Variants in COL11A2 observed in about 807,000 individuals in gnomAD.
COL11A2 encodes collagen alpha-2(XI) chain.
Under a neutral mutation model 273.4 loss-of-function variants are expected in COL11A2, and 116 were observed. That is an observed-to-expected ratio of 0.42 (90% confidence interval 0.36 to 0.49). COL11A2 has a LOEUF of 0.49. Ranked by LOEUF, COL11A2 falls within the 20% of genes least tolerant of loss-of-function variation. The pLI is 0.00. For synonymous variants in COL11A2, 782 were observed against 864.2 expected (o/e 0.90, Z 1.67); for missense variants, 1,866 against 2,309.0 (o/e 0.81, Z 3.93).
At chr6:33,181,258 C>G (rs1417147468) in intron 8 of COL11A2, 88 bp from the exon 9 acceptor site, 1 of 1,371,128 alleles carries the variant, frequency 7.3e-7, no homozygotes, top group Admixed American at 1.7e-5. Context: ...AACCTTGATT[C>G]TTAGATCCTC....
chr6:33,172,781 TGG>T lies in COL11A2; in HGVS notation c.2791-146_2791-145del, dbSNP rs1770298645. On this transcript the variant is annotated intron_variant, in intron 38 of 65. Transcript: ENST00000341947. ...CTCCTGGGAAATTCCCCGGCATTCCTGGGCCACTGCTGGGTTTTCTCCTGCCC... is the reference window on the plus strand; with the variant it reads ...CTCCTGGGAAATTCCCCGGCATTCCTGCCACTGCTGGGTTTTCTCCTGCCC... 7 of 821,742 alleles carry T rather than the reference TGG, an allele frequency of 8.5e-6. No homozygotes were observed. The South Asian group carries it at 8.8e-5, about 10-fold the overall frequency. The allele number at this position is 821,742 out of a possible 1,614,324, so 50.9% of individuals were successfully genotyped here. A position where few individuals can be genotyped will look rare whatever the true frequency, so the allele number is the denominator to read the frequency against.
Position 33,164,394 on chromosome 6 carries a change from T to G in COL11A2, c.4943A>C (p.His1648Pro). 1 of 1,608,600 alleles carries G rather than the reference T, an allele frequency of 6.2e-7. No individual in the cohort carries two copies. The highest frequency in any genetic ancestry group is 2.2e-5 in the East Asian group (1 of 44,756). Residue 1648 changes from histidine (H) to proline (P), a missense_variant, in exon 65 of 66, where the codon CAC (histidine) becomes CCC (proline). By Grantham distance (77) the His-to-Pro change is moderately conservative (BLOSUM62 -2). Transcript: ENST00000341947. The surrounding 1 kb of genome is among the most constrained non-coding windows in gnomAD (Gnocchi z 4.7). ...TFLRLLSVSAHQDVSYPCSGA... is the reference protein window; with the variant it reads ...TFLRLLSVSAPQDVSYPCSGA... ...AGAGCAGGGGTAGGAGACGTCCTGG[T>G]GGGCTGAGACGCTGAGCAGCCGCAG...
chr6:33,175,586 G>A lies in COL11A2; in HGVS notation c.2364C>T (p.Leu788=), dbSNP rs1348847925. 1.9e-6 allele frequency: 3 copies of A among 1,612,724 alleles called. No individual in the cohort carries two copies. Among genetic ancestry groups the A allele is most frequent in the Non-Finnish European group, 2.5e-6 (3 of 1,179,852 alleles). Reference sequence around the variant, plus strand: ...CTCATCCCATCACCTTCTCGCCCATGAGCCCTGGGGGCCCAGGGTCTCCAG... The same window carrying A: ...CTCATCCCATCACCTTCTCGCCCATAAGCCCTGGGGGCCCAGGGTCTCCAG... ...GPTGDPGPPG[L]MGEKGKLGVP... The change falls in exon 30 of 66, where the codon CTC becomes CTT. Residue 788 remains leucine, a synonymous_variant. Transcript: ENST00000341947.
rs763575313 is a variant in COL11A2, at chr6:33,176,069, C to T, written c.2215G>A (p.Gly739Ser). The change falls in exon 29 of 66, where the codon GGT becomes AGT. Residue 739 changes from glycine to serine, a missense_variant and splice_region_variant. By Grantham distance (56) the Gly-to-Ser change is moderately conservative (BLOSUM62 0). Transcript: ENST00000341947. The surrounding 1 kb of genome is among the most constrained non-coding windows in gnomAD (Gnocchi z 4.9). ...TTGAACCCAGGAAAGCCATCCTCAC[C>T]CTGAGAAAGATAGAGGTGAGAGGGC... ...RGLKGHKGEK[G>S]EDGFPGFKGD... 13 of 1,612,960 alleles carry T rather than the reference C, an allele frequency of 8.1e-6. No homozygotes were observed. The highest frequency in any genetic ancestry group is 9.3e-6 in the Non-Finnish European group (11 of 1,180,028).
In COL11A2 at chr6:33,166,018, A is replaced by C; in HGVS notation, c.4429-34T>G. 6.2e-7 allele frequency: 1 copy of C among 1,613,846 alleles called. No individual in the cohort carries two copies. The highest frequency in any genetic ancestry group is 8.5e-7 in the Non-Finnish European group (1 of 1,179,892). On this transcript the variant is annotated intron_variant, in intron 61 of 65. Transcript: ENST00000341947. The surrounding 1 kb of genome is among the most constrained non-coding windows in gnomAD (Gnocchi z 4.8). ...GAATAAATCAGGTCATGGAGGGGTCAAGAGGTCAAGCATGGATCAAGGTCA... is the reference window on the plus strand; with the variant it reads ...GAATAAATCAGGTCATGGAGGGGTCCAGAGGTCAAGCATGGATCAAGGTCA...
rs1236301479 is a variant in COL11A2 at position 33,181,096 on chromosome 6, A to G, written c.1179+15T>C. ...CTATTTCCACTGCCTCAGCCCTGTG[A>G]CCAGCATAACTTACAGGTTCCAACA... On this transcript the variant is annotated intron_variant, in intron 9 of 65. Transcript: ENST00000341947. 1 of 1,614,154 alleles carries G rather than the reference A, an allele frequency of 6.2e-7. No individual in the cohort carries two copies. Among genetic ancestry groups the G allele is most frequent in the East Asian group, 2.2e-5 (1 of 44,876 alleles).
rs199677738 is a variant in COL11A2 at position 33,173,547 on chromosome 6, A to G, written c.2637T>C (p.Pro879=). The G allele has an allele frequency of 1.0e-5, 15 of 1,488,128 alleles. No homozygotes were observed. The highest frequency in any genetic ancestry group is 1.9e-4 in the Middle Eastern group (1 of 5,290). The allele number at this position is 1,488,128 out of a possible 1,614,324, so 92.2% of individuals were successfully genotyped here. ...PHGPPGERGL[P]GPQGPNGFPG... The stretch of plus-strand genomic sequence containing the variant: ...GAAACCCGTTGGGACCCTGAGGTCC[A>G]GGGAGGCCCTAGAGACAGAGGTGGG... The change falls in exon 36 of 66, where the codon CCT becomes CCC. Residue 879 remains proline (P), a synonymous_variant. Coordinates refer to ENST00000341947, the MANE Select transcript of COL11A2 (RefSeq NM_080680.3). This position sits in a 1 kb window ranked among gnomAD's most constrained non-coding sequence, Gnocchi z 6.3.
Position 33,166,541 on chromosome 6 carries a change from A to G in COL11A2, c.4364T>C (p.Ile1455Thr). 6.2e-7 allele frequency: 1 copy of G among 1,613,792 alleles called. No homozygotes were observed. Residue 1455 changes from isoleucine to threonine, a missense_variant, in exon 60 of 66, where the codon ATT (isoleucine) becomes ACT (threonine). Transcript: ENST00000341947. This position sits in a 1 kb window ranked among gnomAD's most constrained non-coding sequence, Gnocchi z 4.8. ...GAGGCCGGGGGGACCTCCAGGACCA[A>G]TGGGGCCGGATGCTCCTGGGATACC... ...EMGIPGASGP[I>T]GPGGPPGLPG... is the part of the protein sequence containing the mutation.
At chr6:33,186,354 A>T (rs1772421068) in intron 5 of COL11A2, 1 of 1,382,550 alleles carries the variant, frequency 7.2e-7, no homozygotes. Context: ...CAATCTCTTA[A>T]TTCAAAGAAG....
Position 33,174,590 on chromosome 6 carries a change from G to C in COL11A2, c.2377-10C>G. ...GAACACCCAGCTTGCCCTGTGGAGG[G>C]ACAGGAAGCAGTTAGGAGTGAGAGG... On this transcript the variant is annotated splice_polypyrimidine_tract_variant and intron_variant, in intron 30 of 65. Transcript: ENST00000341947. 6.2e-7 allele frequency: 1 copy of C among 1,611,750 alleles called. No homozygotes were observed. Among genetic ancestry groups the C allele is most frequent in the South Asian group, 1.1e-5 (1 of 90,882 alleles).
In COL11A2 at chr6:33,170,742, G is replaced by C; in HGVS notation, c.3474+68C>G. On this transcript the variant is annotated intron_variant, in intron 46 of 65. Transcript: ENST00000341947. The surrounding 1 kb of genome is among the most constrained non-coding windows in gnomAD (Gnocchi z 4.3). ...AGTCTGCATCGGCAGGCTGCTGGCA[G>C]AGTCTGGGGCAAAACATCACCCCAT... 6.3e-7 allele frequency: 1 copy of C among 1,592,114 alleles called. No homozygotes were observed. Among genetic ancestry groups the C allele is most frequent in the Non-Finnish European group, 8.6e-7 (1 of 1,161,174 alleles).
intron 5 of COL11A2, among the ~76,000 whole-genome samples, chr6:33,186,270 C>A (rs1226694639): frequency 6.6e-6 from 1 of 152,030 alleles, no homozygotes. Flanking sequence ...TCTCACCATC[C>A]CGACTGCTTT....
chr6:33,189,197 C>A lies in COL11A2; in HGVS notation c.233-9G>T. 1.2e-6 allele frequency: 2 copies of A among 1,613,478 alleles called. No homozygotes were observed. Among genetic ancestry groups the A allele is most frequent in the Non-Finnish European group, 1.7e-6 (2 of 1,179,710 alleles). On this transcript the variant is annotated splice_polypyrimidine_tract_variant and intron_variant, in intron 2 of 65. Coordinates refer to ENST00000341947, the MANE Select transcript of COL11A2 (RefSeq NM_080680.3). This position sits in a 1 kb window ranked among gnomAD's most constrained non-coding sequence, Gnocchi z 5.6. ...ATCTTTGGGAAATCCTCCTAGTAAC[C>A]GAGAGAGATACACACAGAGTGAGAG...
Position 33,180,988 on chromosome 6 carries a change from C to T in COL11A2, c.1197G>A (p.Gly399=). 3.1e-6 allele frequency: 5 copies of T among 1,614,060 alleles called. No individual in the cohort carries two copies. The highest frequency in any genetic ancestry group is 4.2e-6 in the Non-Finnish European group (5 of 1,179,966). ...CCGCAGGGCCTTCTGGGCCAGGGGG[C>T]CCCTCCACGAGCATACCCTGTGGAG... ...AVLEPGMLVE[G]PPGPEGPAGL... is the part of the protein sequence containing the mutation. The change falls in exon 10 of 66, where the codon GGG becomes GGA. Residue 399 remains glycine, a synonymous_variant. Coordinates refer to ENST00000341947, the MANE Select transcript of COL11A2 (RefSeq NM_080680.3).
chr6:33,165,084 C>T lies in COL11A2; in HGVS notation c.4751-120G>A. ...CCATCATGCTCTTAGTCTCCTGGTC[C>T]TCCTCCCTCCCAGAGCCCTAGAATC... On this transcript the variant is annotated intron_variant, in intron 63 of 65. Coordinates refer to ENST00000341947, the MANE Select transcript of COL11A2 (RefSeq NM_080680.3). The surrounding 1 kb of genome is among the most constrained non-coding windows in gnomAD (Gnocchi z 7.7). 1 of 747,714 alleles carries T rather than the reference C, an allele frequency of 1.3e-6. No individual in the cohort carries two copies. The highest frequency in any genetic ancestry group is 2.7e-5 in the East Asian group (1 of 36,990). 46.3% of individuals were successfully genotyped at this position (747,714 alleles called of 1,614,324 possible).
At chr6:33,175,485 G>T in intron 30 of COL11A2, 89 bp downstream of exon 30, 1 of 1,043,372 alleles carries the variant, frequency 9.6e-7, no homozygotes, top group Non-Finnish European at 1.5e-6. Context: ...CAACTGACTG[G>T]CTGACTTCAG....
chr6:33,178,989 A>T lies in COL11A2; in HGVS notation c.1612-16T>A, dbSNP rs530508572. ...CTGCCCGGCCCTGGGAGAACAAGGG[A>T]AGTGTCAGAACAAGCAGGGCCGCAG... On this transcript the variant is annotated splice_polypyrimidine_tract_variant and intron_variant, in intron 16 of 65. Transcript: ENST00000341947. This position sits in a 1 kb window ranked among gnomAD's most constrained non-coding sequence, Gnocchi z 4.6. 133 of 1,613,834 alleles carry T rather than the reference A, an allele frequency of 8.2e-5. 1 individual carries two copies. Among genetic ancestry groups the T allele is most frequent in the South Asian group, 7.2e-4 (66 of 91,070 alleles).
chr6:33,173,665 G>T lies in COL11A2; in HGVS notation c.2628+36C>A, dbSNP rs750756958. The T allele has an allele frequency of 1.7e-5, 26 of 1,555,752 alleles. No individual in the cohort carries two copies. The highest frequency in any genetic ancestry group is 2.3e-5 in the Non-Finnish European group (26 of 1,145,556). ...AGCTGGCTCACCCAGGCTCCCTGGG[G>T]ACCTCAGGGGAAGGGGACTTTCGAT... On this transcript the variant is annotated intron_variant, in intron 35 of 65. Coordinates refer to ENST00000341947, the MANE Select transcript of COL11A2 (RefSeq NM_080680.3). This position sits in a 1 kb window ranked among gnomAD's most constrained non-coding sequence, Gnocchi z 6.3.
At chr6:33,185,870 T>G in intron 5 of COL11A2, 92 bp from the exon 6 acceptor site, 3 of 454,192 alleles carry the variant, frequency 6.6e-6, no homozygotes, top group South Asian at 1.6e-5. Flanking sequence ...AAAGATGGTG[T>G]GGGAGTTGGG....
Sources: gnomAD v4.1 joint callset for allele counts (sites outside exome capture counted in the v4.1 genomes callset) on GRCh38, gnomAD v4.1.1 for gene constraint, Gnocchi (gnomAD v3.1) non-coding constraint, MANE v1.5 for transcripts, NCBI Gene and HGNC (gene_info 2026-07-23, HGNC 2026-07-21) for gene names.